Variants in COL13A1 observed in about 807,000 individuals in gnomAD.
COL13A1 encodes collagen alpha-1(XIII) chain.
COL13A1 carries 89 observed loss-of-function variants against 130.9 expected under a neutral mutation model. The ratio of observed to expected loss-of-function variants is 0.68; its 90% confidence interval spans 0.57 to 0.81. The LOEUF (loss-of-function observed/expected upper bound fraction) is 0.81, where lower values mean the gene tolerates loss of function less well. Ranked by LOEUF, COL13A1 falls within the 30% of genes least tolerant of loss-of-function variation. COL13A1 has a pLI of 0.00. For synonymous variants in COL13A1, 402 were observed against 341.6 expected (o/e 1.18, Z -1.95); for missense variants, 879 against 934.6 (o/e 0.94, Z 0.78).
intron 2 of COL13A1, among the ~76,000 whole-genome samples, chr10:69,826,452 A>G (rs550502387): frequency 9.3e-4 from 141 of 152,320 alleles, no homozygotes; most frequent in African/African-American, 3.3e-3. Context: ...CTTGTGCACT[A>G]GCGCCATGAC....
rs938195212 is a variant in COL13A1 at position 69,917,380 on chromosome 10, C to G, written c.966+47C>G. 6 of 1,544,568 alleles carry G rather than the reference C, an allele frequency of 3.9e-6. No individual in the cohort carries two copies. The African/African-American group carries it at 5.4e-5, about 14-fold the overall frequency. On this transcript the variant is annotated intron_variant, in intron 18 of 40. Transcript: ENST00000645393. ...CCCAGGCAGCCCCAAGGCCCCTCCC[C>G]CAGTGCCCATCCCTCTCTCCTCAGC...
At chr10:69,883,121 C>T (rs1256457876) in intron 7 of COL13A1, among the ~76,000 whole-genome samples, 3 of 152,158 alleles carry the variant, frequency 2.0e-5, no homozygotes, top group Non-Finnish European at 4.4e-5. Flanking sequence ...ATAAATGGTC[C>T]AAGCAAAGGG....
intron 1 of COL13A1, among the ~76,000 whole-genome samples, chr10:69,820,276 C>A (rs1157757437): frequency 6.6e-6 from 1 of 152,234 alleles, no homozygotes; most frequent in Non-Finnish European, 1.5e-5. Context: ...GGGGCACCAC[C>A]CACTCATGCC....
intron 26 of COL13A1, 134 bp downstream of exon 26, chr10:69,926,006 G>A: frequency 1.4e-6 from 1 of 705,024 alleles, no homozygotes; most frequent in Non-Finnish European, 2.4e-6. Context: ...TTCCAGGAGA[G>A]CTGCTTCCTC....
chr10:69,834,500 T>C (rs1325869453), intron 2 of COL13A1, among the ~76,000 whole-genome samples: 1 of 152,222 alleles, frequency 6.6e-6, no homozygotes, highest in Non-Finnish European at 1.5e-5. Context: ...AACCATGGCA[T>C]ATATTCAACA....
At chr10:69,894,373 G>A (rs1436698950) in intron 10 of COL13A1, among the ~76,000 whole-genome samples, 179 bp from the exon 11 acceptor site, 1 of 152,210 alleles carries the variant, frequency 6.6e-6, no homozygotes, top group African/African-American at 2.4e-5. Flanking sequence ...GCCCACTGGG[G>A]GGTGAAGCAG....
chr10:69,887,496 G>A lies in COL13A1; in HGVS notation c.549+5G>A, dbSNP rs2134524471. 1 of 1,613,580 alleles carries A rather than the reference G, an allele frequency of 6.2e-7. No homozygotes were observed. The highest frequency in any genetic ancestry group is 1.3e-5 in the African/African-American group (1 of 74,946). ...AGAGGTTTCCCTGGATTTCCGGTAA[G>A]TGGAGAAGGCTGAAGTTAGCTGTGT... On this transcript the variant is annotated splice_donor_5th_base_variant and intron_variant, in intron 8 of 40. Coordinates refer to ENST00000645393, the MANE Select transcript of COL13A1 (RefSeq NM_001368882.1).
At chr10:69,909,588 C>G (rs2063150001) in intron 17 of COL13A1, among the ~76,000 whole-genome samples, 3 of 152,210 alleles carry the variant, frequency 2.0e-5, no homozygotes, top group Admixed American at 2.0e-4. Flanking sequence ...GCCTCCAAGT[C>G]CACCAAAGGT....
chr10:69,855,861 CTCTCACGTACA>C (rs1049348973), intron 2 of COL13A1, among the ~76,000 whole-genome samples: 2 of 152,186 alleles, frequency 1.3e-5, no homozygotes, highest in African/African-American at 4.8e-5. Flanking sequence ...GTCAAACTAA[CTCTCACGTACA>C]AGTTCAATGT....
At chr10:69,944,332 G>A (rs1298386292) in intron 36 of COL13A1, among the ~76,000 whole-genome samples, 154 bp downstream of exon 36, 3 of 152,248 alleles carry the variant, frequency 2.0e-5, no homozygotes, top group Non-Finnish European at 4.4e-5. Context: ...TGGTTGTGTA[G>A]CTATGAGTTG....
At chr10:69,885,902 C>G (rs894022962) in intron 7 of COL13A1, among the ~76,000 whole-genome samples, 2 of 152,124 alleles carry the variant, frequency 1.3e-5, no homozygotes, top group African/African-American at 4.8e-5. Context: ...ACAAGCCCAT[C>G]CTAAGCCTGT....
At chr10:69,922,894 C>A in intron 23 of COL13A1, 100 bp downstream of exon 23, 1 of 739,816 alleles carries the variant, frequency 1.4e-6, no homozygotes, top group African/African-American at 1.8e-5. Flanking sequence ...CCCGCCTTCT[C>A]TAGCCTTCCC....
At chr10:69,826,889 A>T (rs1242046091) in intron 2 of COL13A1, among the ~76,000 whole-genome samples, 1 of 152,176 alleles carries the variant, frequency 6.6e-6, no homozygotes, top group African/African-American at 2.4e-5. Flanking sequence ...GAATGGGACA[A>T]GTGGAGTATG....
At chr10:69,826,789 G>C (rs1847606569) in intron 2 of COL13A1, among the ~76,000 whole-genome samples, 1 of 152,180 alleles carries the variant, frequency 6.6e-6, no homozygotes, top group Non-Finnish European at 1.5e-5. Context: ...GCAGGCCAGG[G>C]CTGGGAGCTG....
intron 23 of COL13A1, among the ~76,000 whole-genome samples, chr10:69,923,329 G>C (rs1437487960): frequency 6.6e-6 from 1 of 152,218 alleles, no homozygotes; most frequent in East Asian, 1.9e-4. Context: ...TTTGCTGCTT[G>C]AAAAGTGCAA....
chr10:69,896,909 C>G (rs1194175000), intron 13 of COL13A1, among the ~76,000 whole-genome samples: 1 of 152,224 alleles, frequency 6.6e-6, no homozygotes, highest in Non-Finnish European at 1.5e-5. Context: ...TTATTTGAAA[C>G]GATGGGCTCA....
chr10:69,803,767 G>A (rs550218881), intron 1 of COL13A1, among the ~76,000 whole-genome samples: 1 of 152,306 alleles, frequency 6.6e-6, no homozygotes, highest in Admixed American at 6.5e-5. Context: ...TCCCCACTCT[G>A]CTACTTGGAA....
chr10:69,895,840 C>T (rs1007769448), intron 13 of COL13A1, among the ~76,000 whole-genome samples: 3 of 152,182 alleles, frequency 2.0e-5, no homozygotes, highest in African/African-American at 4.8e-5. Flanking sequence ...CCCCTTTGTA[C>T]GTACGTCTGA....
At chr10:69,913,827 G>T (rs1017079731) in intron 17 of COL13A1, among the ~76,000 whole-genome samples, 33 of 151,838 alleles carry the variant, frequency 2.2e-4, no homozygotes, top group African/African-American at 8.0e-4. Flanking sequence ...AGCTGGGGGA[G>T]GCCAGTGGGG....
Sources: gnomAD v4.1 joint callset for allele counts (sites outside exome capture counted in the v4.1 genomes callset) on GRCh38, gnomAD v4.1.1 for gene constraint, MANE v1.5 for transcripts, NCBI Gene and HGNC (gene_info 2026-07-23, HGNC 2026-07-21) for gene names.